Variants in FBLN2 observed in about 807,000 individuals in gnomAD.
FBLN2 encodes fibulin 2.
FBLN2 carries 81 observed loss-of-function variants against 123.7 expected under a neutral mutation model. The observed-to-expected ratio is 0.65, with a 90% CI of 0.55 to 0.79. FBLN2 has a LOEUF of 0.79. Ranked by LOEUF, FBLN2 falls within the 30% of genes least tolerant of loss-of-function variation. The probability of loss-of-function intolerance (pLI) is 0.00; values close to 1 mark genes in which losing one functional copy is unlikely to be tolerated. For missense variants in FBLN2, 1,603 were observed against 1,681.3 expected, an observed-to-expected ratio of 0.95 and a Z score of 0.81; for synonymous variants, 699 against 701.4, an observed-to-expected ratio of 1.00 and a Z score of 0.05.
intron 2 of FBLN2, among the ~76,000 whole-genome samples, chr3:13,574,852 C>T (rs777275013): frequency 6.6e-6 from 1 of 152,164 alleles, no homozygotes; most frequent in Non-Finnish European, 1.5e-5. Context: ...TTGGGCAGCC[C>T]GATCCCCCAC....
Position 13,629,246 on chromosome 3 carries a change from C to T in FBLN2, c.2796C>T (p.Asp932=). The T allele has an allele frequency of 1.9e-6, 3 of 1,613,096 alleles. No individual in the cohort carries two copies. Among genetic ancestry groups the T allele is most frequent in the Non-Finnish European group, 2.5e-6 (3 of 1,179,684 alleles). ...CHNLPGSYRC[D]CKAGFQRDAF... is the part of the protein sequence containing the mutation. ...ACCTCCCTGGCTCCTACCGCTGTGA[C>T]TGCAAAGCCGGCTTTCAGCGGGATG... The change falls in exon 13 of 18, where the codon GAC becomes GAT. Residue 932 remains aspartate, a synonymous_variant. Coordinates refer to ENST00000404922, the MANE Select transcript of FBLN2 (RefSeq NM_001004019.2).
intron 2 of FBLN2, among the ~76,000 whole-genome samples, chr3:13,604,070 T>A (rs1383823025): frequency 6.6e-6 from 1 of 152,242 alleles, no homozygotes; most frequent in Non-Finnish European, 1.5e-5. Flanking sequence ...CTTCGCCCAC[T>A]TTTTGATGGG....
intron 5 of FBLN2, among the ~76,000 whole-genome samples, chr3:13,617,745 C>G (rs1245113059): frequency 8.6e-6 from 1 of 116,314 alleles, no homozygotes; most frequent in African/African-American, 3.2e-5. Flanking sequence ...CCCACCCCCC[C>G]ACCCATTCAT....
At chr3:13,612,340 T>TTTC (rs367582176) in intron 4 of FBLN2, among the ~76,000 whole-genome samples, 68 of 62,280 alleles carry the variant, frequency 1.1e-3, no homozygotes, top group African/African-American at 6.3e-3. Flanking sequence ...TCTTTCTTTC[T>TTTC]TTTCTTTCTT....
chr3:13,630,031 CCCTTCACCCTTACA>C (rs1184088092), intron 14 of FBLN2, 86 bp downstream of exon 14: 34 of 1,549,810 alleles, frequency 2.2e-5, no homozygotes, highest in Non-Finnish European at 2.6e-5. Context: ...CCTTCTGTGA[CCCTTCACCCTTACA>C]CCTTCACCCT....
chr3:13,629,340 C>T (rs1706170239), intron 13 of FBLN2, 48 bp downstream of exon 13: 2 of 1,545,084 alleles, frequency 1.3e-6, no homozygotes, highest in African/African-American at 1.4e-5. Context: ...TGGCTGGTCC[C>T]CTGCCCTCTG....
intron 5 of FBLN2, among the ~76,000 whole-genome samples, chr3:13,615,369 TC>T (rs769097457): frequency 6.6e-6 from 1 of 152,212 alleles, no homozygotes; most frequent in Non-Finnish European, 1.5e-5. Context: ...TTTTCGCTGT[TC>T]CTATGGACCG....
chr3:13,574,452 C>T (rs1374764614), intron 2 of FBLN2, among the ~76,000 whole-genome samples: 1 of 152,216 alleles, frequency 6.6e-6, no homozygotes, highest in Non-Finnish European at 1.5e-5. Context: ...AGACGTCAGA[C>T]CCCTTCTTCC....
chr3:13,623,877 G>A (rs1035990224), intron 9 of FBLN2, among the ~76,000 whole-genome samples: 4 of 152,210 alleles, frequency 2.6e-5, no homozygotes, highest in African/African-American at 9.7e-5. Flanking sequence ...TCATTGTTAT[G>A]ATTCAACCAA....
chr3:13,636,295 G>A (rs747744876), intron 16 of FBLN2, 150 bp from the exon 17 acceptor site: 10 of 903,810 alleles, frequency 1.1e-5, no homozygotes, highest in Non-Finnish European at 1.6e-5. Flanking sequence ...TGCCGAGCAG[G>A]TGAGATGGGG....
intron 1 of FBLN2, among the ~76,000 whole-genome samples, chr3:13,559,946 G>A (rs1703562245): frequency 2.0e-5 from 3 of 152,092 alleles, no homozygotes; most frequent in African/African-American, 7.2e-5. Flanking sequence ...GGTGTGTGGA[G>A]CGCCAGGTGG....
Position 13,628,976 on chromosome 3 carries a change from T to C in FBLN2, c.2641T>C (p.Tyr881His), listed in dbSNP as rs1706149218. Residue 881 changes from tyrosine to histidine, a missense_variant, in exon 12 of 18, where the codon TAC (tyrosine) becomes CAC (histidine). Transcript: ENST00000404922. ...GFSCINTVGSYTCQRNPLICA... is the reference protein window; with the variant it reads ...GFSCINTVGSHTCQRNPLICA... ...CAGCTGCATCAACACGGTGGGCTCC[T>C]ACACATGCCAGAGGAACCCGCTGAT... 1 of 1,613,584 alleles carries C rather than the reference T, an allele frequency of 6.2e-7. No individual in the cohort carries two copies. The highest frequency in any genetic ancestry group is 8.5e-7 in the Non-Finnish European group (1 of 1,179,768).
At position 13,636,355 on chromosome 3, in the gene FBLN2, G is replaced by A. The variant is rs113904588; in HGVS notation, c.3215-90G>A. The A allele has an allele frequency of 2.5e-3, 3,818 of 1,519,412 alleles. 46 individuals are homozygous for A. The highest frequency in any genetic ancestry group is 0.019 in the South Asian group (1,487 of 80,098). 94.1% of individuals were successfully genotyped at this position (1,519,412 alleles called of 1,614,324 possible). A position where few individuals can be genotyped will look rare whatever the true frequency, so the allele number is the denominator to read the frequency against. ...GGCTATTCTCACAGGTCCGGCTGCC[G>A]TGGGGCCCAGGCCTTTCATGCAGGC... On this transcript the variant is annotated intron_variant, in intron 16 of 17. Transcript: ENST00000404922.
chr3:13,594,788 A>T (rs1431770857), intron 2 of FBLN2, among the ~76,000 whole-genome samples: 1 of 152,152 alleles, frequency 6.6e-6, no homozygotes, highest in Non-Finnish European at 1.5e-5. Context: ...CCGGGCTCCC[A>T]GGTCCAGACC....
chr3:13,551,480 G>A (rs1039935034), intron 1 of FBLN2, among the ~76,000 whole-genome samples: 1 of 152,180 alleles, frequency 6.6e-6, no homozygotes, highest in African/African-American at 2.4e-5. Flanking sequence ...TTTAAGAGAC[G>A]GGGAAGGGGA....
chr3:13,587,225 C>G (rs1379879953), intron 2 of FBLN2, among the ~76,000 whole-genome samples: 1 of 151,134 alleles, frequency 6.6e-6, no homozygotes, highest in Non-Finnish European at 1.5e-5. Context: ...AAATATTTTT[C>G]TATAGCTGTA....
intron 2 of FBLN2, among the ~76,000 whole-genome samples, chr3:13,578,536 C>G (rs1209357117): frequency 6.6e-6 from 1 of 152,288 alleles, no homozygotes; most frequent in Non-Finnish European, 1.5e-5. Context: ...TCATTAATTC[C>G]TTTTCATGGT....
chr3:13,566,602 T>A (rs1488070143), intron 1 of FBLN2: 1 of 152,154 alleles, frequency 6.6e-6, no homozygotes, highest in Non-Finnish European at 1.5e-5. Context: ...TCTCGACACA[T>A]CCCAGATGGT....
chr3:13,608,108 G>C lies in FBLN2; in HGVS notation c.1353G>C (p.Gln451His). Residue 451 changes from glutamine to histidine, a missense_variant, in exon 3 of 18, where the codon CAG (glutamine) becomes CAC (histidine). By Grantham distance (24) the Gln-to-His change is conservative (BLOSUM62 0). Coordinates refer to ENST00000404922, the MANE Select transcript of FBLN2 (RefSeq NM_001004019.2). Reference protein sequence around the residue: ...LIETCCAAGQQWAIDNDECLE... With the variant: ...LIETCCAAGQHWAIDNDECLE... ...AGACTTGCTGCGCAGCCGGACAGCA[G>C]TGGGCCATTGACAATGACGAGTGCC... 6.3e-7 allele frequency: 1 copy of C among 1,598,148 alleles called. No homozygotes were observed. Among genetic ancestry groups the C allele is most frequent in the Non-Finnish European group, 8.5e-7 (1 of 1,172,520 alleles).
Sources: gnomAD v4.1 joint callset for allele counts (sites outside exome capture counted in the v4.1 genomes callset) on GRCh38, gnomAD v4.1.1 for gene constraint, MANE v1.5 for transcripts, NCBI Gene and HGNC (gene_info 2026-07-23, HGNC 2026-07-21) for gene names.